ASTN1: variants seen among roughly 807,000 people sequenced by gnomAD.
The protein encoded by ASTN1 is astrotactin-1.
A neutral mutation model predicts 140.7 loss-of-function variants in ASTN1; 41 were observed. The observed-to-expected ratio is 0.29, with a 90% CI of 0.23 to 0.38. ASTN1 has a LOEUF of 0.38. Ranked by LOEUF, ASTN1 falls within the 10% of genes least tolerant of loss-of-function variation. The pLI, the probability that ASTN1 is intolerant of heterozygous loss-of-function variation, is 1.00. For synonymous variants in ASTN1, 640 were observed against 652.2 expected, an observed-to-expected ratio of 0.98 and a Z score of 0.29; for missense variants, 1,479 against 1,678.8, an observed-to-expected ratio of 0.88 and a Z score of 2.08.
At chr1:177,141,822 A>G (rs1018283294) in intron 1 of ASTN1, among the ~76,000 whole-genome samples, 3 of 152,212 alleles carry the variant, frequency 2.0e-5, no homozygotes, top group Non-Finnish European at 4.4e-5. Context: ...CTCCAACAAT[A>G]AGTATTTTGG....
intron 8 of ASTN1, among the ~76,000 whole-genome samples, chr1:176,994,239 C>T (rs1333751737): frequency 2.6e-5 from 4 of 152,112 alleles, no homozygotes; most frequent in Admixed American, 6.6e-5. Context: ...GTTTATAGTA[C>T]GTCCTGTGGA....
chr1:176,979,596 G>A (rs185320923), intron 8 of ASTN1, among the ~76,000 whole-genome samples: 235 of 152,252 alleles, frequency 1.5e-3, no homozygotes, highest in East Asian at 6.6e-3. Context: ...TTGCCAGAGC[G>A]TTAGTCCCTC....
intron 8 of ASTN1, among the ~76,000 whole-genome samples, chr1:177,011,932 G>T (rs1367411586): frequency 6.6e-6 from 1 of 152,088 alleles, no homozygotes; most frequent in East Asian, 1.9e-4. Flanking sequence ...CTGGTACATT[G>T]ACCTTGATAC....
At chr1:176,882,252 TA>T (rs1445773047) in intron 20 of ASTN1, among the ~76,000 whole-genome samples, 1 of 152,252 alleles carries the variant, frequency 6.6e-6, no homozygotes, top group African/African-American at 2.4e-5. Context: ...TGGAGCTAGC[TA>T]GCTTTCTAAA....
At chr1:177,128,533 T>G (rs1246349642) in intron 1 of ASTN1, among the ~76,000 whole-genome samples, 1 of 152,242 alleles carries the variant, frequency 6.6e-6, no homozygotes, top group South Asian at 2.1e-4. Context: ...ACAGTACTAC[T>G]GCTATTTTTG....
In ASTN1 at chr1:176,978,029, G is replaced by A. The variant is rs542163833; in HGVS notation, c.1524-12792C>T. On this transcript the variant is annotated intron_variant, in intron 8 of 22. Transcript: ENST00000361833. ...AAGGGTCATGGAAAAGGCTCAGTCAGGAAGAGCTATTTTAGATAAGCTTTA... is the reference window on the plus strand; with the variant it reads ...AAGGGTCATGGAAAAGGCTCAGTCAAGAAGAGCTATTTTAGATAAGCTTTA... 7.9e-5 allele frequency among the ~76,000 whole-genome samples: 12 copies of A among 152,292 alleles called. 1 individual carries two copies. In the South Asian group the frequency reaches 2.5e-3, roughly 32 times the overall value.
chr1:177,092,921 C>T (rs1679827943), intron 1 of ASTN1, among the ~76,000 whole-genome samples: 1 of 152,112 alleles, frequency 6.6e-6, no homozygotes, highest in Admixed American at 6.6e-5. Flanking sequence ...ATGCTAGTAC[C>T]ACACTGTTTT....
At chr1:176,916,579 C>T (rs945624224) in intron 16 of ASTN1, among the ~76,000 whole-genome samples, 22 of 152,222 alleles carry the variant, frequency 1.4e-4, no homozygotes, top group Admixed American at 1.4e-3. Flanking sequence ...CACACCCTCA[C>T]CCTCCACATC....
intron 3 of ASTN1, among the ~76,000 whole-genome samples, chr1:177,031,762 C>T (rs1676457445): frequency 6.6e-6 from 1 of 152,118 alleles, no homozygotes; most frequent in African/African-American, 2.4e-5. Flanking sequence ...TGGAGATTTG[C>T]TGATTCATAG....
intron 8 of ASTN1, among the ~76,000 whole-genome samples, chr1:177,000,098 A>G (rs1162334945): frequency 6.6e-6 from 1 of 152,236 alleles, no homozygotes; most frequent in African/African-American, 2.4e-5. Context: ...GGATAAAGCT[A>G]AAATTTAATA....
intron 11 of ASTN1, among the ~76,000 whole-genome samples, chr1:176,954,014 A>G (rs1672301452): frequency 2.0e-5 from 3 of 152,152 alleles, no homozygotes. Context: ...CAATAGATAG[A>G]CTTGATAAGG....
chr1:176,903,722 T>C (rs2103050323), intron 16 of ASTN1, among the ~76,000 whole-genome samples: 1 of 152,330 alleles, frequency 6.6e-6, no homozygotes, highest in South Asian at 2.1e-4. Flanking sequence ...CCCTTCCTCT[T>C]AGTTTCCTAG....
chr1:177,116,786 C>G (rs1405197016), intron 1 of ASTN1, among the ~76,000 whole-genome samples: 2 of 152,102 alleles, frequency 1.3e-5, no homozygotes, highest in African/African-American at 4.8e-5. Flanking sequence ...CTCATTTGAC[C>G]CTTGCTCTCC....
At chr1:176,999,185 C>T (rs948911758) in intron 8 of ASTN1, among the ~76,000 whole-genome samples, 2 of 152,140 alleles carry the variant, frequency 1.3e-5, no homozygotes, top group African/African-American at 4.8e-5. Flanking sequence ...CACATGGAGA[C>T]TGTGGAGGCA....
At chr1:177,051,553 AT>A (rs1397008610) in intron 2 of ASTN1, among the ~76,000 whole-genome samples, 1 of 152,166 alleles carries the variant, frequency 6.6e-6, no homozygotes, top group African/African-American at 2.4e-5. Flanking sequence ...CATTGTCCAT[AT>A]TAGGGTTTTC....
chr1:177,034,301 G>A (rs1676603318), intron 2 of ASTN1, among the ~76,000 whole-genome samples: 1 of 149,912 alleles, frequency 6.7e-6, no homozygotes, highest in Admixed American at 6.6e-5. Context: ...TTTCAAGCAG[G>A]CAGCACAGAG....
chr1:176,893,771 T>A (rs1302609179), intron 17 of ASTN1, among the ~76,000 whole-genome samples: 2 of 152,124 alleles, frequency 1.3e-5, no homozygotes, highest in Admixed American at 6.5e-5. Context: ...CGTCTCCTTG[T>A]TTTTACTTTT....
intron 8 of ASTN1, among the ~76,000 whole-genome samples, chr1:176,973,233 A>C (rs1401781583): frequency 6.6e-6 from 1 of 152,216 alleles, no homozygotes; most frequent in African/African-American, 2.4e-5. Flanking sequence ...TTCTAATGCC[A>C]CAACAACTTT....
chr1:177,015,477 A>G (rs963441492), intron 7 of ASTN1, among the ~76,000 whole-genome samples: 1 of 152,182 alleles, frequency 6.6e-6, no homozygotes, highest in African/African-American at 2.4e-5. Flanking sequence ...TATGCACAGG[A>G]GGCCTCTTAC....
Sources: allele counts gnomAD v4.1 joint callset (sites outside exome capture counted in the v4.1 genomes callset), GRCh38; gene constraint gnomAD v4.1.1; transcripts MANE v1.5; gene names NCBI Gene and HGNC (gene_info 2026-07-23, HGNC 2026-07-21).